The following SLC24A4 variants were observed in gnomAD, a reference collection of about 807,000 sequenced individuals.
SLC24A4 encodes sodium/potassium/calcium exchanger 4.
In SLC24A4, 53 loss-of-function variants were observed where a neutral mutation model predicts 79.0. The observed-to-expected ratio is 0.67, with a 90% CI of 0.54 to 0.84. The LOEUF (loss-of-function observed/expected upper bound fraction) is 0.84. Among genes scored for constraint, SLC24A4 ranks in the 40% least tolerant of loss-of-function variants. SLC24A4 has a pLI of 0.00. For synonymous variants in SLC24A4, 323 were observed against 323.8 expected, an observed-to-expected ratio of 1.00 and a Z score of 0.03; for missense variants, 731 against 822.0, an observed-to-expected ratio of 0.89 and a Z score of 1.35.
chr14:92,329,469 C>A (rs1885344365), intron 2 of SLC24A4, among the ~76,000 whole-genome samples: 2 of 152,152 alleles, frequency 1.3e-5, no homozygotes, highest in Admixed American at 1.3e-4. Context: ...TGAGTTTCAG[C>A]CTAAGTACCA....
At chr14:92,470,822 A>G (rs924010526) in intron 12 of SLC24A4, among the ~76,000 whole-genome samples, 2 of 152,216 alleles carry the variant, frequency 1.3e-5, no homozygotes, top group Non-Finnish European at 2.9e-5. Flanking sequence ...TCCTAATGTT[A>G]AAGAACCCCT....
chr14:92,430,547 T>C (rs556022642), intron 2 of SLC24A4, among the ~76,000 whole-genome samples: 1 of 152,332 alleles, frequency 6.6e-6, no homozygotes, highest in Admixed American at 6.5e-5. Flanking sequence ...CTCCTCCAGC[T>C]TCCCTGGGCC....
At chr14:92,386,286 C>A (rs182743958) in intron 2 of SLC24A4, among the ~76,000 whole-genome samples, 203 of 152,126 alleles carry the variant, frequency 1.3e-3, no homozygotes, top group African/African-American at 4.7e-3. Flanking sequence ...GCTTTTGACT[C>A]CTGCAACCCT....
At chr14:92,416,261 G>A (rs1890981840) in intron 2 of SLC24A4, among the ~76,000 whole-genome samples, 1 of 152,046 alleles carries the variant, frequency 6.6e-6, no homozygotes, top group African/African-American at 2.4e-5. Flanking sequence ...GGGAGAGGCT[G>A]GTGGGAAGCA....
intron 12 of SLC24A4, among the ~76,000 whole-genome samples, chr14:92,473,506 C>G (rs1894547708): frequency 1.3e-5 from 2 of 152,240 alleles, no homozygotes; most frequent in African/African-American, 2.4e-5. Flanking sequence ...CCTGCTGTTT[C>G]TGTCTTCGTA....
At chr14:92,373,171 TACACAC>T in intron 2 of SLC24A4, among the ~76,000 whole-genome samples, 1 of 143,082 alleles carries the variant, frequency 7.0e-6, no homozygotes, top group South Asian at 2.2e-4. Flanking sequence ...AGCTAATTTA[TACACAC>T]ACACACACAC....
At chr14:92,388,937 T>C (rs1889316904) in intron 2 of SLC24A4, among the ~76,000 whole-genome samples, 1 of 152,120 alleles carries the variant, frequency 6.6e-6, no homozygotes, top group Non-Finnish European at 1.5e-5. Context: ...GTCCAGACTT[T>C]GCGTTGAGTT....
chr14:92,488,427 A>C (rs1566806511), intron 14 of SLC24A4, among the ~76,000 whole-genome samples: 1 of 151,646 alleles, frequency 6.6e-6, no homozygotes, highest in South Asian at 2.1e-4. Context: ...ACTCTAATTT[A>C]GTATGACCTT....
At chr14:92,338,176 A>G (rs1885925288) in intron 2 of SLC24A4, among the ~76,000 whole-genome samples, 1 of 152,068 alleles carries the variant, frequency 6.6e-6, no homozygotes, top group Admixed American at 6.5e-5. Context: ...GATGAATGAG[A>G]GCTGGAATTT....
chr14:92,370,460 C>CT (rs1338267863), intron 2 of SLC24A4, among the ~76,000 whole-genome samples: 3 of 152,260 alleles, frequency 2.0e-5, no homozygotes, highest in African/African-American at 7.2e-5. Context: ...TACCTGCTTT[C>CT]TGTGAATGGT....
At chr14:92,472,873 A>C (rs1894513827) in intron 12 of SLC24A4, among the ~76,000 whole-genome samples, 1 of 152,202 alleles carries the variant, frequency 6.6e-6, no homozygotes, top group South Asian at 2.1e-4. Context: ...ACTGTTTTCC[A>C]TAGTGGTTGT....
At chr14:92,372,275 C>T (rs1888211578) in intron 2 of SLC24A4, among the ~76,000 whole-genome samples, 1 of 152,192 alleles carries the variant, frequency 6.6e-6, no homozygotes. Context: ...TCTCACCAGA[C>T]AGACTCATCT....
chr14:92,392,177 C>A (rs1889511495), intron 2 of SLC24A4, among the ~76,000 whole-genome samples: 1 of 151,180 alleles, frequency 6.6e-6, no homozygotes. Flanking sequence ...CTATAGGTGT[C>A]TGGGGTAAGG....
At chr14:92,471,845 T>C (rs1241021181) in intron 12 of SLC24A4, among the ~76,000 whole-genome samples, 1 of 152,236 alleles carries the variant, frequency 6.6e-6, no homozygotes, top group Non-Finnish European at 1.5e-5. Flanking sequence ...GCTAGCCAGA[T>C]GAGAACAATG....
At chr14:92,339,350 C>T (rs1885995084) in intron 2 of SLC24A4, among the ~76,000 whole-genome samples, 1 of 152,250 alleles carries the variant, frequency 6.6e-6, no homozygotes, top group African/African-American at 2.4e-5. Context: ...GAAAGTGTGG[C>T]TGCTGTAAGC....
intron 2 of SLC24A4, among the ~76,000 whole-genome samples, chr14:92,423,550 T>G (rs972466214): frequency 2.0e-5 from 3 of 152,188 alleles, no homozygotes; most frequent in Non-Finnish European, 2.9e-5. Flanking sequence ...CTGAGAACAC[T>G]TAACCTAGTG....
At chr14:92,395,430 A>ACACACAC (rs1175371282) in intron 2 of SLC24A4, among the ~76,000 whole-genome samples, 1 of 86,848 alleles carries the variant, frequency 1.2e-5, no homozygotes, top group African/African-American at 5.8e-5. Context: ...AAAACAAAAC[A>ACACACAC]AAACACACAC....
intron 3 of SLC24A4, among the ~76,000 whole-genome samples, chr14:92,436,719 G>A (rs564546193): frequency 1.3e-5 from 2 of 152,264 alleles, no homozygotes; most frequent in South Asian, 2.1e-4. Flanking sequence ...GATGGAAATC[G>A]GGGCGCCATC....
At chr14:92,396,364 T>C (rs1019528180) in intron 2 of SLC24A4, among the ~76,000 whole-genome samples, 7 of 152,224 alleles carry the variant, frequency 4.6e-5, no homozygotes, top group Non-Finnish European at 8.8e-5. Flanking sequence ...TGTGGAGTGA[T>C]GCTTCTTTTC....
Sources: gnomAD v4.1 joint callset for allele counts (sites outside exome capture counted in the v4.1 genomes callset) on GRCh38, gnomAD v4.1.1 for gene constraint, MANE v1.5 for transcripts, NCBI Gene and HGNC (gene_info 2026-07-23, HGNC 2026-07-21) for gene names.